LARP1B: variants seen among roughly 807,000 people sequenced by gnomAD.
LARP1B encodes La ribonucleoprotein 1B.
LARP1B carries 76 observed loss-of-function variants against 114.2 expected under a neutral mutation model. The ratio of observed to expected loss-of-function variants is 0.67; its 90% CI spans 0.55 to 0.81. The LOEUF (loss-of-function observed/expected upper bound fraction) is 0.81. LARP1B is among the 30% of genes least tolerant of loss of function. The pLI is 0.00. For synonymous variants in LARP1B, 345 were observed against 348.0 expected, an observed-to-expected ratio of 0.99 and a Z score of 0.10; for missense variants, 1,014 against 1,075.8, an observed-to-expected ratio of 0.94 and a Z score of 0.80.
intron 3 of LARP1B, among the ~76,000 whole-genome samples, chr4:128,075,817 G>A (rs924693644): frequency 2.0e-5 from 3 of 152,066 alleles, no homozygotes; most frequent in Admixed American, 2.0e-4. Flanking sequence ...AAAGTGCTGG[G>A]ATTATAGGCG....
intron 12 of LARP1B, among the ~76,000 whole-genome samples, chr4:128,174,989 T>C (rs992053761): frequency 6.6e-6 from 1 of 152,122 alleles, no homozygotes; most frequent in Non-Finnish European, 1.5e-5. Flanking sequence ...AACATTGCAA[T>C]TGACTGATAA....
chr4:128,220,070 A>T (rs982243889), intron 6 of LARP1B, among the ~76,000 whole-genome samples: 5 of 152,086 alleles, frequency 3.3e-5, no homozygotes, highest in Non-Finnish European at 5.9e-5. Context: ...TTTTTAATAG[A>T]GACAGGGTTT....
chr4:128,181,559 C>G (rs772980619), intron 15 of LARP1B, among the ~76,000 whole-genome samples: 66 of 152,182 alleles, frequency 4.3e-4, no homozygotes, highest in Admixed American at 6.5e-4. Flanking sequence ...TATTTTATCT[C>G]TACTATTGAC....
At chr4:128,095,179 C>T (rs1777444455) in intron 7 of LARP1B, among the ~76,000 whole-genome samples, 1 of 152,050 alleles carries the variant, frequency 6.6e-6, no homozygotes, top group East Asian at 1.9e-4. Flanking sequence ...AAAATTTTTT[C>T]CTTTAGTGTT....
Position 128,098,340 on chromosome 4 carries a change from C to G in LARP1B, c.813+10C>G. 6.3e-7 allele frequency: 1 copy of G among 1,593,982 alleles called. No individual in the cohort carries two copies. The highest frequency in any genetic ancestry group is 8.6e-7 in the Non-Finnish European group (1 of 1,167,990). On this transcript the variant is annotated intron_variant, in intron 8 of 19. Coordinates refer to ENST00000326639, the MANE Select transcript of LARP1B (RefSeq NM_018078.4). ...TAATCTCATCTTAGAGGTAATTGCT[C>G]ATTTGATGAACAATTTGTACTTTCT...
chr4:128,152,661 C>T (rs927792351), intron 11 of LARP1B, among the ~76,000 whole-genome samples: 2 of 151,484 alleles, frequency 1.3e-5, no homozygotes, highest in Non-Finnish European at 2.9e-5. Context: ...CTCTCCACTT[C>T]ATTTTTTTAT....
At chr4:128,204,225 A>G (rs974501098) in intron 17 of LARP1B, among the ~76,000 whole-genome samples, 2 of 147,014 alleles carry the variant, frequency 1.4e-5, no homozygotes, top group Non-Finnish European at 3.0e-5. Flanking sequence ...ATAAAGAGAG[A>G]TACTGAGGCT....
chr4:128,151,774 C>A (rs1482028098), intron 11 of LARP1B, among the ~76,000 whole-genome samples: 1 of 151,888 alleles, frequency 6.6e-6, no homozygotes, highest in Non-Finnish European at 1.5e-5. Flanking sequence ...GGCTAATTTT[C>A]TGTATTTTCA....
At chr4:128,144,164 C>G (rs1729327488) in intron 11 of LARP1B, among the ~76,000 whole-genome samples, 2 of 152,156 alleles carry the variant, frequency 1.3e-5, no homozygotes, top group Admixed American at 1.3e-4. Context: ...TGGACAAAAT[C>G]AAAACCCAGT....
chr4:128,095,917 C>G (rs1777777506), intron 7 of LARP1B, among the ~76,000 whole-genome samples: 1 of 151,632 alleles, frequency 6.6e-6, no homozygotes, highest in South Asian at 2.1e-4. Context: ...TATCATTCTT[C>G]TCTATATTTT....
intron 11 of LARP1B, among the ~76,000 whole-genome samples, chr4:128,158,219 AAC>A (rs1371042098): frequency 6.6e-6 from 1 of 152,166 alleles, no homozygotes; most frequent in Non-Finnish European, 1.5e-5. Flanking sequence ...GGGAGATTGT[AAC>A]ACACACCTTT....
In LARP1B at chr4:128,143,796, G is replaced by GGTGT. The variant is rs72408437; in HGVS notation, c.1525-18379_1525-18376dup. ...TGAACATAGATAAGTTAAGGCACAG[G>GGTGT]GTGTGTGTGTGTGTGTGTGTGTATC... On this transcript the variant is annotated intron_variant, in intron 11 of 19. Transcript: ENST00000326639. Among the ~76,000 whole-genome samples, 60 of 147,930 alleles carry GGTGT rather than the reference G, an allele frequency of 4.1e-4. 1 individual carries two copies. The highest frequency in any genetic ancestry group is 1.0e-3 in the African/African-American group (41 of 40,364).
chr4:128,081,339 A>G (rs1219337848), intron 4 of LARP1B, among the ~76,000 whole-genome samples: 1 of 149,580 alleles, frequency 6.7e-6, no homozygotes, highest in Non-Finnish European at 1.5e-5. Context: ...TCAGCCTCCC[A>G]AAGTGCTAGG....
chr4:128,162,103 G>C, intron 11 of LARP1B, 91 bp from the exon 12 acceptor site: 2 of 1,190,508 alleles, frequency 1.7e-6, no homozygotes, highest in Non-Finnish European at 2.4e-6. Context: ...CCCTGTTTTA[G>C]AAGTTCATTT....
intron 1 of LARP1B, among the ~76,000 whole-genome samples, chr4:128,073,591 TTTTTTTTTTTTTTTTTTTG>T (rs1467191368): frequency 1.8e-3 from 51 of 27,902 alleles, no homozygotes; most frequent in African/African-American, 5.4e-3. Context: ...TTTTTTTTTT[TTTTTTTTTTTTTTTTTTTG>T]GACAGAGTCT....
chr4:128,071,086 G>A (rs952165057), intron 1 of LARP1B, among the ~76,000 whole-genome samples: 7 of 151,482 alleles, frequency 4.6e-5, no homozygotes, highest in Non-Finnish European at 7.4e-5. Flanking sequence ...TCGCTCTGTC[G>A]CCCAGGCTGG....
chr4:128,162,176 TC>T lies in LARP1B; in HGVS notation c.1525-16del. The T allele has an allele frequency of 1.2e-6, 2 of 1,609,538 alleles. No homozygotes were observed. The highest frequency in any genetic ancestry group is 1.7e-6 in the Non-Finnish European group (2 of 1,177,428). On this transcript the variant is annotated splice_polypyrimidine_tract_variant and intron_variant, in intron 11 of 19. Coordinates refer to ENST00000326639, the MANE Select transcript of LARP1B (RefSeq NM_018078.4). Reference sequence around the variant, plus strand: ...CTGTTAGCCAGTTTAGTAATTAGATTCCTCCATTCTACTTCAGCAAGAAGTT... The same window carrying T: ...CTGTTAGCCAGTTTAGTAATTAGATTCTCCATTCTACTTCAGCAAGAAGTT...
intron 1 of LARP1B, chr4:128,069,301 A>G (rs1303078744): frequency 1.2e-6 from 1 of 850,994 alleles, no homozygotes; most frequent in Non-Finnish European, 2.0e-6. Flanking sequence ...AGAGCCCCAC[A>G]GTGGCATCCA....
At chr4:128,188,078 T>C (rs978690802) in intron 15 of LARP1B, among the ~76,000 whole-genome samples, 1 of 137,640 alleles carries the variant, frequency 7.3e-6, no homozygotes, top group Non-Finnish European at 1.5e-5. Context: ...TCTCGGGTAT[T>C]TTTTTTTTTT....
Sources: gnomAD v4.1 joint callset for allele counts (sites outside exome capture counted in the v4.1 genomes callset) on GRCh38, gnomAD v4.1.1 for gene constraint, MANE v1.5 for transcripts, NCBI Gene and HGNC (gene_info 2026-07-23, HGNC 2026-07-21) for gene names.